Variants in MMP15 observed in about 807,000 individuals in gnomAD.
The protein encoded by MMP15 is matrix metallopeptidase 15, also known as matrix metalloproteinase-15.
In MMP15, 36 loss-of-function variants were observed where a neutral mutation model predicts 65.0. The ratio of observed to expected loss-of-function variants is 0.55; its 90% CI spans 0.42 to 0.73. The LOEUF is 0.73. Ranked by LOEUF, MMP15 falls within the 30% of genes least tolerant of loss-of-function variation. MMP15 has a pLI of 0.00. For missense variants in MMP15, 870 were observed against 987.8 expected, an observed-to-expected ratio of 0.88 and a Z score of 1.60; for synonymous variants, 428 against 410.2, an observed-to-expected ratio of 1.04 and a Z score of -0.52.
At chr16:58,027,245 A>G (rs956021529) in intron 1 of MMP15, among the ~76,000 whole-genome samples, 2 of 152,184 alleles carry the variant, frequency 1.3e-5, no homozygotes, top group Admixed American at 6.5e-5. Flanking sequence ...TCTCTTCGCT[A>G]GGAGCCCGCT....
At chr16:58,028,087 C>T (rs1037342353) in intron 1 of MMP15, among the ~76,000 whole-genome samples, 4 of 152,134 alleles carry the variant, frequency 2.6e-5, no homozygotes, top group Admixed American at 6.5e-5. Flanking sequence ...AATTCAATGG[C>T]CGTGCATTGC....
At chr16:58,030,146 C>T (rs141678238) in intron 1 of MMP15, among the ~76,000 whole-genome samples, 3 of 152,278 alleles carry the variant, frequency 2.0e-5, no homozygotes, top group East Asian at 1.9e-4. Context: ...ATGCTTTGGT[C>T]CTGGAGATGT....
Position 58,045,120 on chromosome 16 carries a change from C to T in MMP15, c.1684C>T (p.His562Tyr). Residue 562 changes from histidine to tyrosine, a missense_variant, in exon 10 of 10, where the codon CAC becomes TAC. Transcript: ENST00000219271. ...ILRDFMGCQE[H>Y]VEPGPRWPDV... ...GCGGGACTTCATGGGCTGCCAGGAG[C>T]ACGTGGAGCCAGGCCCCCGATGGCC... 1 of 1,607,136 alleles carries T rather than the reference C, an allele frequency of 6.2e-7. No homozygotes were observed. Among genetic ancestry groups the T allele is most frequent in the Non-Finnish European group, 8.5e-7 (1 of 1,176,982 alleles).
intron 1 of MMP15, among the ~76,000 whole-genome samples, chr16:58,034,909 C>A (rs1326733616): frequency 6.6e-6 from 1 of 151,500 alleles, no homozygotes; most frequent in Non-Finnish European, 1.5e-5. Flanking sequence ...CTTTCCTCCC[C>A]AGGGCCCCAG....
chr16:58,044,655 C>T (rs1190963747), intron 9 of MMP15, among the ~76,000 whole-genome samples: 1 of 152,224 alleles, frequency 6.6e-6, no homozygotes, highest in Admixed American at 6.5e-5. Flanking sequence ...TGCTGTGTGG[C>T]CTTGAGCAAG....
At chr16:58,042,196 G>T (rs374749541) in intron 6 of MMP15, 35 bp from the exon 7 acceptor site, 7 of 1,597,274 alleles carry the variant, frequency 4.4e-6, no homozygotes, top group Non-Finnish European at 6.0e-6. Context: ...AAGGCAGCTT[G>T]CCTGCGCTGC....
intron 5 of MMP15, 113 bp from the exon 6 acceptor site, chr16:58,041,504 G>C (rs1959452788): frequency 7.5e-6 from 9 of 1,201,460 alleles, no homozygotes; most frequent in Non-Finnish European, 1.1e-5. Flanking sequence ...GGGGTCTGCT[G>C]TAGATGGACA....
intron 1 of MMP15, among the ~76,000 whole-genome samples, chr16:58,032,163 C>G (rs1383677654): frequency 6.6e-6 from 1 of 152,236 alleles, no homozygotes; most frequent in Non-Finnish European, 1.5e-5. Context: ...CCATGCCCTG[C>G]CCATGCCACC....
Position 58,042,314 on chromosome 16 carries a change from C to A in MMP15, c.1248C>A (p.Pro416=). 1 of 1,614,250 alleles carries A rather than the reference C, an allele frequency of 6.2e-7. No individual in the cohort carries two copies. Among genetic ancestry groups the A allele is most frequent in the Non-Finnish European group, 8.5e-7 (1 of 1,180,032 alleles). Residue 416 remains proline (P), a synonymous_variant, in exon 7 of 10, where the codon CCC becomes CCA. Transcript: ENST00000219271. ...TCGGGCACTTCTGGCGTGGTCTGCC[C>A]GGTGACATCAGTGCTGCCTACGAGC... ...MPIGHFWRGL[P]GDISAAYERQ...
chr16:58,038,153 G>C (rs1959373481), intron 2 of MMP15, 113 bp from the exon 3 acceptor site: 1 of 1,394,246 alleles, frequency 7.2e-7, no homozygotes. Context: ...CATCCCCACT[G>C]TGTCATAGGA....
At chr16:58,037,916 C>G (rs1168483484) in intron 2 of MMP15, among the ~76,000 whole-genome samples, 1 of 152,150 alleles carries the variant, frequency 6.6e-6, no homozygotes, top group Non-Finnish European at 1.5e-5. Context: ...GAAGGGAAAT[C>G]GTAGCTAGGC....
Position 58,040,031 on chromosome 16 carries a change from A to C in MMP15, c.597A>C (p.Val199=), listed in dbSNP as rs1959417876. 1.9e-6 allele frequency: 3 copies of C among 1,613,912 alleles called. No homozygotes were observed. ...GACAGAAGGAGGCCGACATCATGGTACTCTTTGCCTCTGGCTTCCACGGCG... is the reference window on the plus strand; with the variant it reads ...GACAGAAGGAGGCCGACATCATGGTCCTCTTTGCCTCTGGCTTCCACGGCG... ...LRRQKEADIM[V]LFASGFHGDS... Residue 199 remains valine, a synonymous_variant, in exon 4 of 10, where the codon GTA becomes GTC. Coordinates refer to ENST00000219271, the MANE Select transcript of MMP15 (RefSeq NM_002428.4).
chr16:58,030,514 A>G (rs1343564793), intron 1 of MMP15, among the ~76,000 whole-genome samples: 1 of 152,170 alleles, frequency 6.6e-6, no homozygotes, highest in African/African-American at 2.4e-5. Flanking sequence ...CAGTATCAGG[A>G]CAGGTGGATA....
chr16:58,043,177 C>A, intron 7 of MMP15, 33 bp from the exon 8 acceptor site: 1 of 1,545,978 alleles, frequency 6.5e-7, no homozygotes, highest in South Asian at 1.2e-5. Context: ...AGCCCCAGGC[C>A]TGACCTCACT....
rs1597067822 is a variant in MMP15, at chr16:58,045,131, A to C, written c.1695A>C (p.Pro565=). 1 of 1,605,152 alleles carries C rather than the reference A, an allele frequency of 6.2e-7. No homozygotes were observed. Among genetic ancestry groups the C allele is most frequent in the Non-Finnish European group, 8.5e-7 (1 of 1,176,110 alleles). The part of the protein sequence containing the change: ...DFMGCQEHVE[P]GPRWPDVARP... ...TGGGCTGCCAGGAGCACGTGGAGCC[A>C]GGCCCCCGATGGCCCGACGTGGCCC... The change falls in exon 10 of 10, where the codon CCA becomes CCC. Residue 565 remains proline (P), a synonymous_variant. Coordinates refer to ENST00000219271, the MANE Select transcript of MMP15 (RefSeq NM_002428.4).
chr16:58,039,624 C>T (rs927977664), intron 3 of MMP15, among the ~76,000 whole-genome samples: 5 of 152,226 alleles, frequency 3.3e-5, no homozygotes. Context: ...CACATAGCAC[C>T]TGTATTTTAG....
intron 5 of MMP15, 111 bp from the exon 6 acceptor site, chr16:58,041,506 A>G: frequency 8.3e-7 from 1 of 1,204,658 alleles, no homozygotes; most frequent in Non-Finnish European, 1.2e-6. Flanking sequence ...GGTCTGCTGT[A>G]GATGGACAGG....
intron 7 of MMP15, among the ~76,000 whole-genome samples, chr16:58,042,946 G>T (rs1252501814): frequency 1.3e-5 from 2 of 152,196 alleles, no homozygotes; most frequent in Non-Finnish European, 2.9e-5. Flanking sequence ...TATATGTGCG[G>T]GGGTGGATGT....
At chr16:58,040,487 C>G in intron 4 of MMP15, 50 bp from the exon 5 acceptor site, 1 of 1,593,086 alleles carries the variant, frequency 6.3e-7, no homozygotes, top group Non-Finnish European at 8.5e-7. Flanking sequence ...GTGATTGGGT[C>G]CTGGGACTGG....
Sources: gnomAD v4.1 joint callset for allele counts (sites outside exome capture counted in the v4.1 genomes callset) on GRCh38, gnomAD v4.1.1 for gene constraint, MANE v1.5 for transcripts, NCBI Gene and HGNC (gene_info 2026-07-23, HGNC 2026-07-21) for gene names.